The following BAIAP2L1 variants were observed in gnomAD, a reference collection of about 807,000 sequenced individuals.
The protein encoded by BAIAP2L1 is BAR/IMD domain containing adaptor protein 2 like 1.
Under a neutral mutation model 66.3 loss-of-function variants are expected in BAIAP2L1, and 35 were observed. The ratio of observed to expected loss-of-function variants is 0.53; its 90% CI spans 0.40 to 0.70. The LOEUF (loss-of-function observed/expected upper bound fraction) is 0.70. Ranked by LOEUF, BAIAP2L1 falls within the 30% of genes least tolerant of loss-of-function variation. The probability of loss-of-function intolerance (pLI) is 0.00; values close to 1 mark genes in which losing one functional copy is unlikely to be tolerated. For synonymous variants in BAIAP2L1, 269 were observed against 248.7 expected, an observed-to-expected ratio of 1.08 and a Z score of -0.77; for missense variants, 622 against 656.9, an observed-to-expected ratio of 0.95 and a Z score of 0.58.
At chr7:98,358,360 G>T (rs10270586) in intron 2 of BAIAP2L1, among the ~76,000 whole-genome samples, 2,480 of 145,262 alleles carry the variant, frequency 0.017, 74 homozygotes, top group African/African-American at 0.06. Context: ...TTAGTTTTTT[G>T]TTTTTTTTTT....
intron 1 of BAIAP2L1, among the ~76,000 whole-genome samples, chr7:98,387,986 A>G (rs1341518788): frequency 2.0e-5 from 3 of 152,130 alleles, no homozygotes; most frequent in Admixed American, 2.0e-4. Context: ...TTCTCTTATC[A>G]GGTATTTACT....
chr7:98,296,680 T>C (rs1294346693), intron 12 of BAIAP2L1, among the ~76,000 whole-genome samples: 1 of 152,110 alleles, frequency 6.6e-6, no homozygotes, highest in African/African-American at 2.4e-5. Context: ...CAAAAACATA[T>C]TGGACGTGTT....
intron 3 of BAIAP2L1, among the ~76,000 whole-genome samples, chr7:98,353,085 T>C (rs941576049): frequency 3.9e-5 from 6 of 152,038 alleles, no homozygotes; most frequent in Non-Finnish European, 7.4e-5. Flanking sequence ...ATTAAATTCA[T>C]TGTGCTTAGA....
chr7:98,362,110 A>G (rs1802279999), intron 2 of BAIAP2L1, among the ~76,000 whole-genome samples: 1 of 152,184 alleles, frequency 6.6e-6, no homozygotes, highest in Non-Finnish European at 1.5e-5. Context: ...TTTGGTTTTA[A>G]AAGTAGAAAG....
intron 3 of BAIAP2L1, among the ~76,000 whole-genome samples, chr7:98,353,564 A>G (rs1802050545): frequency 7.3e-6 from 1 of 137,692 alleles, no homozygotes; most frequent in Non-Finnish European, 1.5e-5. Context: ...ATATATGTAT[A>G]TTAATATTAT....
At chr7:98,372,189 T>C (rs1008162971) in intron 1 of BAIAP2L1, among the ~76,000 whole-genome samples, 26 of 151,998 alleles carry the variant, frequency 1.7e-4, no homozygotes, top group African/African-American at 6.3e-4. Context: ...TCGGATCACC[T>C]GAGGTCAGGA....
intron 1 of BAIAP2L1, among the ~76,000 whole-genome samples, chr7:98,392,503 C>T (rs1439104367): frequency 6.6e-6 from 1 of 152,120 alleles, no homozygotes; most frequent in East Asian, 1.9e-4. Context: ...CCAGAGCTCC[C>T]TTCTGGGAAT....
At chr7:98,341,804 A>G (rs1156515087) in intron 3 of BAIAP2L1, among the ~76,000 whole-genome samples, 2 of 152,174 alleles carry the variant, frequency 1.3e-5, no homozygotes, top group African/African-American at 4.8e-5. Context: ...TACAGTGTTC[A>G]GTAAATAAAA....
At chr7:98,369,663 ATTTTT>A (rs71112146) in intron 1 of BAIAP2L1, among the ~76,000 whole-genome samples, 2 of 103,850 alleles carry the variant, frequency 1.9e-5, no homozygotes, top group Admixed American at 1.1e-4. Flanking sequence ...TGATTTCCTA[ATTTTT>A]TTTTTTTTTT....
Position 98,297,323 on chromosome 7 carries a change from G to A in BAIAP2L1, c.1423-3212C>T, listed in dbSNP as rs536244962. Among the ~76,000 whole-genome samples, 181 of 152,330 alleles carry A rather than the reference G, an allele frequency of 1.2e-3. 1 individual carries two copies. Among genetic ancestry groups the A allele is most frequent in the Middle Eastern group, 3.4e-3 (1 of 294 alleles). ...CAGGGTGCCCACCACATAGCCATGC[G>A]CCCAGGTTGGGGGACTAGTTGACCT... On this transcript the variant is annotated intron_variant, in intron 12 of 13. Transcript: ENST00000005260.
rs398111637 is a variant in BAIAP2L1, at chr7:98,393,176, T to TAC, written c.51+7624_51+7625dup. ...ATATGTACACATATATGTATATATA[T>TAC]ACATATATGTGTGTGTTTATATATA... On this transcript the variant is annotated intron_variant, in intron 1 of 13. Transcript: ENST00000005260. Among the ~76,000 whole-genome samples, 60 of 57,276 alleles carry TAC rather than the reference T, an allele frequency of 1.0e-3. 7 individuals carry two copies. The highest frequency in any genetic ancestry group is 7.8e-3 in the South Asian group (23 of 2,934). The allele number at this position is 57,276 out of a possible 152,430, so 37.6% of individuals were successfully genotyped here. A position where few individuals can be genotyped will look rare whatever the true frequency, so the allele number is the denominator to read the frequency against.
At chr7:98,306,559 T>C (rs779147963) in intron 10 of BAIAP2L1, 43 bp from the exon 11 acceptor site, 9 of 1,613,790 alleles carry the variant, frequency 5.6e-6, no homozygotes, top group Middle Eastern at 1.6e-4. Flanking sequence ...GCAGTAGACA[T>C]GTGGACGGCA....
chr7:98,386,692 GGTTT>G, intron 1 of BAIAP2L1: 7 of 270,522 alleles, frequency 2.6e-5, no homozygotes, highest in East Asian at 6.0e-5. Flanking sequence ...ACTTTCCAAA[GGTTT>G]TTTTTTTTTT....
Position 98,354,606 on chromosome 7 carries a change from G to GA in BAIAP2L1, c.214+435dup, listed in dbSNP as rs542528404. ...AGAGCGATTCATACCAGCAGAACCG[G>GA]AAAAATCACAGCTGAAAGCAACCAG... is the stretch of plus-strand genomic sequence containing the variant. On this transcript the variant is annotated intron_variant, in intron 3 of 13. Coordinates refer to ENST00000005260, the MANE Select transcript of BAIAP2L1 (RefSeq NM_018842.5). Among the ~76,000 whole-genome samples the GA allele has an allele frequency of 5.4e-3, 824 of 152,234 alleles. 4 individuals are homozygous for GA. Among genetic ancestry groups the GA allele is most frequent in the Non-Finnish European group, 9.5e-3 (643 of 68,012 alleles).
chr7:98,340,891 C>T (rs993172135), intron 3 of BAIAP2L1, among the ~76,000 whole-genome samples: 5 of 149,222 alleles, frequency 3.4e-5, no homozygotes, highest in Admixed American at 6.7e-5. Context: ...TGGGTTCAAG[C>T]GATTCTCCTG....
At chr7:98,315,417 TAA>T (rs774776173) in intron 7 of BAIAP2L1, 41 bp downstream of exon 7, 1 of 1,351,372 alleles carries the variant, frequency 7.4e-7, no homozygotes, top group African/African-American at 1.5e-5. Flanking sequence ...AAATATGAAA[TAA>T]AGTTATTAAT....
intron 6 of BAIAP2L1, among the ~76,000 whole-genome samples, chr7:98,316,486 ACT>A (rs1801080079): frequency 2.0e-5 from 3 of 152,128 alleles, no homozygotes; most frequent in Admixed American, 2.0e-4. Flanking sequence ...ACTCAGGGAA[ACT>A]CTACAGCCTT....
chr7:98,384,354 T>C (rs1802834984), intron 1 of BAIAP2L1, among the ~76,000 whole-genome samples: 1 of 152,174 alleles, frequency 6.6e-6, no homozygotes, highest in Non-Finnish European at 1.5e-5. Flanking sequence ...AACTGATTAG[T>C]TACTGATTCT....
intron 3 of BAIAP2L1, among the ~76,000 whole-genome samples, chr7:98,335,392 C>T (rs1801596040): frequency 6.6e-6 from 1 of 152,058 alleles, no homozygotes; most frequent in African/African-American, 2.4e-5. Context: ...AGGCTTTGTA[C>T]CATTTTACTC....
Sources: allele counts gnomAD v4.1 joint callset (sites outside exome capture counted in the v4.1 genomes callset), GRCh38; gene constraint gnomAD v4.1.1; transcripts MANE v1.5; gene names NCBI Gene and HGNC (gene_info 2026-07-23, HGNC 2026-07-21).